Variants in SNRNP200 observed in about 807,000 individuals in gnomAD.
SNRNP200 encodes small nuclear ribonucleoprotein U5 subunit 200, also known as U5 small nuclear ribonucleoprotein 200 kDa helicase.
A neutral mutation model predicts 255.2 loss-of-function variants in SNRNP200; 66 were observed. The observed-to-expected ratio is 0.26, with a 90% confidence interval of 0.21 to 0.32. The LOEUF is 0.32. SNRNP200 is among the 10% of genes least tolerant of loss of function. SNRNP200 has a pLI of 1.00. For synonymous variants in SNRNP200, 939 were observed against 1,027.8 expected (o/e 0.91, Z 1.65); for missense variants, 1,585 against 2,749.8 (o/e 0.58, Z 9.47).
intron 30 of SNRNP200, 168 bp downstream of exon 30, chr2:96,285,012 A>C: frequency 1.3e-6 from 1 of 793,444 alleles, no homozygotes; most frequent in South Asian, 1.5e-5. Flanking sequence ...GGCCTCCCAA[A>C]GTGCTGGGAT....
rs751554352 is a variant in SNRNP200 at position 96,298,808 on chromosome 2, G to A, written c.882+7C>T. On this transcript the variant is annotated splice_region_variant and intron_variant, in intron 7 of 44. Transcript: ENST00000323853. The stretch of plus-strand genomic sequence containing the variant: ...TAAATATACAACTATTGTCATCTTG[G>A]CCATACCTTCAAAATCTCCAATACT... 1.2e-6 allele frequency: 2 copies of A among 1,614,064 alleles called. No individual in the cohort carries two copies. The highest frequency in any genetic ancestry group is 2.7e-5 in the African/African-American group (2 of 75,012).
In SNRNP200 at chr2:96,290,923, G is replaced by T; in HGVS notation, c.2422-108C>A. 1 of 1,343,780 alleles carries T rather than the reference G, an allele frequency of 7.4e-7. No individual in the cohort carries two copies. The highest frequency in any genetic ancestry group is 1.1e-6 in the Non-Finnish European group (1 of 948,816). The allele number at this position is 1,343,780 out of a possible 1,614,324, so 83.2% of individuals were successfully genotyped here. A position where few individuals can be genotyped will look rare whatever the true frequency, so the allele number is the denominator to read the frequency against. ...TCAGAGCTTCTCTCAGGACTAGCCGGTAGGGCGCGTGGGGTCCCAGTACTT... is the reference window on the plus strand; with the variant it reads ...TCAGAGCTTCTCTCAGGACTAGCCGTTAGGGCGCGTGGGGTCCCAGTACTT... On this transcript the variant is annotated intron_variant, in intron 18 of 44. Transcript: ENST00000323853. The surrounding 1 kb of genome is among the most constrained non-coding windows in gnomAD (Gnocchi z 4.5).
intron 1 of SNRNP200, 25 bp from the exon 2 acceptor site, chr2:96,304,893 A>G: frequency 1.9e-6 from 3 of 1,610,574 alleles, no homozygotes; most frequent in Non-Finnish European, 2.5e-6. Flanking sequence ...ACATTATTGA[A>G]GCTTTGACAT....
At position 96,286,749 on chromosome 2, in the gene SNRNP200, C is replaced by G; in HGVS notation, c.3768G>C (p.Val1256=). The stretch of plus-strand genomic sequence containing the variant: ...GAGGGGGCAGCGGTTCAAAGACAGG[C>G]ACGAAGAATGTAATGAGGTGCTCGT... ...AQDEHLITFF[V]PVFEPLPPQY... The change falls in exon 28 of 45, where the codon GTG becomes GTC. Residue 1256 remains valine, a synonymous_variant. Coordinates refer to ENST00000323853, the MANE Select transcript of SNRNP200 (RefSeq NM_014014.5). This position sits in a 1 kb window ranked among gnomAD's most constrained non-coding sequence, Gnocchi z 4.8. 6.2e-7 allele frequency: 1 copy of G among 1,614,162 alleles called. No homozygotes were observed. Among genetic ancestry groups the G allele is most frequent in the African/African-American group, 1.3e-5 (1 of 75,044 alleles).
intron 2 of SNRNP200, among the ~76,000 whole-genome samples, chr2:96,303,805 G>C (rs4907231): frequency 6.6e-6 from 1 of 150,912 alleles, no homozygotes; most frequent in Non-Finnish European, 1.5e-5. Context: ...CAGGAGAATC[G>C]CTTGAACCCG....
intron 5 of SNRNP200, among the ~76,000 whole-genome samples, chr2:96,300,146 C>T (rs1008371491): frequency 6.6e-6 from 1 of 152,160 alleles, no homozygotes; most frequent in African/African-American, 2.4e-5. Context: ...TCCATTTTCC[C>T]TTTCAGGAGC....
At chr2:96,288,919 A>G (rs2063866807) in intron 23 of SNRNP200, 118 bp downstream of exon 23, 6 of 1,095,114 alleles carry the variant, frequency 5.5e-6, no homozygotes, top group Non-Finnish European at 8.2e-6. Flanking sequence ...AGGCTGCAAA[A>G]ACTAGGAGAA....
At chr2:96,302,575 T>C (rs535799613) in intron 3 of SNRNP200, among the ~76,000 whole-genome samples, 1 of 152,334 alleles carries the variant, frequency 6.6e-6, no homozygotes, top group Admixed American at 6.5e-5. Context: ...TTCAATTCCG[T>C]TCCAACACTA....
At chr2:96,300,923 G>C (rs3731930) in intron 5 of SNRNP200, 75 bp downstream of exon 5, 453,066 of 1,241,390 alleles carry the variant, frequency 0.36, 89,724 homozygotes, top group South Asian at 0.69. Context: ...TAGAGAGCTT[G>C]TTTACACTAG....
rs186603660 is a variant in SNRNP200, at chr2:96,284,314, G to A, written c.4392+44C>T. ...ATTAGGTCCAATGCCAAGGCCACTT[G>A]GTCAGTCCCAGTCCCTCATCTGTGC... On this transcript the variant is annotated intron_variant, in intron 31 of 44. Transcript: ENST00000323853. 706 of 1,540,576 alleles carry A rather than the reference G, an allele frequency of 4.6e-4. 1 individual carries two copies. Among genetic ancestry groups the A allele is most frequent in the Admixed American group, 2.5e-3 (151 of 59,894 alleles).
At chr2:96,289,749 G>A (rs753754874) in intron 21 of SNRNP200, 50 bp downstream of exon 21, 3 of 1,586,928 alleles carry the variant, frequency 1.9e-6, no homozygotes, top group East Asian at 2.2e-5. Context: ...TTTTTCCTGG[G>A]CCAACAACTT....
In SNRNP200 at chr2:96,275,008, G is replaced by A. The variant is rs1684630502; in HGVS notation, c.*4C>T. On this transcript the variant is annotated 3_prime_UTR_variant, in exon 45 of 45. Coordinates refer to ENST00000323853, the MANE Select transcript of SNRNP200 (RefSeq NM_014014.5). ...CCTTTACCCAAAAGTAAATGCCTCAGGACTCAATCTGAATCACTGTCTGTC... is the reference window on the plus strand; with the variant it reads ...CCTTTACCCAAAAGTAAATGCCTCAAGACTCAATCTGAATCACTGTCTGTC... 1 of 1,613,906 alleles carries A rather than the reference G, an allele frequency of 6.2e-7. No homozygotes were observed. Among genetic ancestry groups the A allele is most frequent in the Non-Finnish European group, 8.5e-7 (1 of 1,180,016 alleles).
chr2:96,282,772 A>G (rs746945604), intron 34 of SNRNP200: 6 of 293,310 alleles, frequency 2.0e-5, no homozygotes, highest in Non-Finnish European at 3.3e-5. Context: ...CCAGAAGCAG[A>G]TAACACCATG....
rs2063878609 is a variant in SNRNP200, at chr2:96,290,625, C to A, written c.2553+59G>T. The A allele has an allele frequency of 1.1e-5, 18 of 1,613,744 alleles. No individual in the cohort carries two copies. The highest frequency in any genetic ancestry group is 1.4e-5 in the Non-Finnish European group (17 of 1,179,734). On this transcript the variant is annotated intron_variant, in intron 19 of 44. Transcript: ENST00000323853. The surrounding 1 kb of genome is among the most constrained non-coding windows in gnomAD (Gnocchi z 4.5). ...TCTGATCTGCTAGCTTTCCAGCATCCCTGCATTTCAGGCAAGGATACTGAT... is the reference window on the plus strand; with the variant it reads ...TCTGATCTGCTAGCTTTCCAGCATCACTGCATTTCAGGCAAGGATACTGAT...
In SNRNP200 at chr2:96,292,997, AT is replaced by A; in HGVS notation, c.2134del (p.Ile712SerfsTer32). ...CTGATTTTTTCCAGCATGTTCCATG[AT>A]TTTTTCATAGACGATTTCATTCATG... ...QIMNEIVYEKIMEHAGKNQVL... is the reference protein window; with the variant it reads ...QIMNEIVYEKXMEHAGKNQVL... On this transcript the variant is annotated frameshift_variant, in exon 16 of 45. Coordinates refer to ENST00000323853, the MANE Select transcript of SNRNP200 (RefSeq NM_014014.5). LOFTEE classifies it high-confidence loss of function. 6.2e-7 allele frequency: 1 copy of A among 1,614,110 alleles called. No homozygotes were observed. The highest frequency in any genetic ancestry group is 8.5e-7 in the Non-Finnish European group (1 of 1,180,030).
intron 43 of SNRNP200, among the ~76,000 whole-genome samples, chr2:96,275,728 C>T (rs1172061269): frequency 6.6e-6 from 1 of 152,186 alleles, no homozygotes; most frequent in African/African-American, 2.4e-5. Flanking sequence ...TTAGGCTGGG[C>T]GCGGTGGCTC....
intron 3 of SNRNP200, 103 bp downstream of exon 3, chr2:96,303,056 T>C (rs2063962923): frequency 1.6e-6 from 2 of 1,272,768 alleles, no homozygotes; most frequent in Non-Finnish European, 2.3e-6. Flanking sequence ...CTCATCAGCA[T>C]ACAAAAAGAT....
At position 96,287,713 on chromosome 2, in the gene SNRNP200, G is replaced by T; in HGVS notation, c.3365+150C>A. ...CCAGCCCTGGCCTCCACCACAGAGG[G>T]CCTTCCCTCTTCTCAATGTGCACCA... On this transcript the variant is annotated intron_variant, in intron 25 of 44. Coordinates refer to ENST00000323853, the MANE Select transcript of SNRNP200 (RefSeq NM_014014.5). This position sits in a 1 kb window ranked among gnomAD's most constrained non-coding sequence, Gnocchi z 5.7. 1.1e-6 allele frequency: 1 copy of T among 906,042 alleles called. No individual in the cohort carries two copies. The highest frequency in any genetic ancestry group is 1.9e-6 in the Non-Finnish European group (1 of 537,686). The allele number at this position is 906,042 out of a possible 1,614,324, so 56.1% of individuals were successfully genotyped here.
chr2:96,290,519 A>C lies in SNRNP200; in HGVS notation c.2554-5T>G, dbSNP rs377032938. The C allele has an allele frequency of 6.3e-5, 102 of 1,614,064 alleles. No homozygotes were observed. Among genetic ancestry groups the C allele is most frequent in the Non-Finnish European group, 8.2e-5 (97 of 1,180,038 alleles). On this transcript the variant is annotated splice_region_variant and splice_polypyrimidine_tract_variant and intron_variant, in intron 19 of 44. Transcript: ENST00000323853. This position sits in a 1 kb window ranked among gnomAD's most constrained non-coding sequence, Gnocchi z 4.5. The stretch of plus-strand genomic sequence containing the variant: ...TCTTCCGGCACGTCCCAGCATCTAG[A>C]TCAGAGACAGCGAACCAAGAATGCT...
Sources: allele counts gnomAD v4.1 joint callset (sites outside exome capture counted in the v4.1 genomes callset), GRCh38; gene constraint gnomAD v4.1.1; non-coding constraint Gnocchi (gnomAD v3.1); transcripts MANE v1.5; gene names NCBI Gene and HGNC (gene_info 2026-07-23, HGNC 2026-07-21).